FGF18: variants seen among roughly 807,000 people sequenced by gnomAD.
FGF18 encodes fibroblast growth factor 18.
A neutral mutation model predicts 23.0 loss-of-function variants in FGF18; 5 were observed. The observed-to-expected ratio is 0.22, with a 90% CI of 0.11 to 0.46. The LOEUF (loss-of-function observed/expected upper bound fraction) is 0.46. Ranked by LOEUF, FGF18 falls within the 20% of genes least tolerant of loss-of-function variation. FGF18 has a pLI of 0.99. For missense variants in FGF18, 180 were observed against 291.6 expected (o/e 0.62, Z 2.79); for synonymous variants, 117 against 118.9 (o/e 0.98, Z 0.10).
intron 3 of FGF18, among the ~76,000 whole-genome samples, chr5:171,443,064 T>C (rs547391541): frequency 6.6e-6 from 1 of 152,276 alleles, no homozygotes; most frequent in Admixed American, 6.5e-5. Context: ...TCTTCATCTG[T>C]AAAATGGCAT....
intron 2 of FGF18, among the ~76,000 whole-genome samples, chr5:171,430,146 C>A (rs888640711): frequency 6.6e-6 from 1 of 151,940 alleles, no homozygotes; most frequent in African/African-American, 2.4e-5. Context: ...ATCATGAGGT[C>A]AGGAGTTCAA....
chr5:171,447,363 C>T (rs1021439393), intron 3 of FGF18, among the ~76,000 whole-genome samples: 2 of 152,184 alleles, frequency 1.3e-5, no homozygotes, highest in African/African-American at 4.8e-5. Flanking sequence ...ATGTTTGGCC[C>T]TGGGGAGGGA....
In FGF18 at chr5:171,440,231, G is replaced by C. The variant is rs1273409079; in HGVS notation, c.250+3958G>C. Among the ~76,000 whole-genome samples, 2 of 152,066 alleles carry C rather than the reference G, an allele frequency of 1.3e-5. No homozygotes were observed. The highest frequency in any genetic ancestry group is 2.9e-5 in the Non-Finnish European group (2 of 68,000). On this transcript the variant is annotated intron_variant, in intron 3 of 4. Transcript: ENST00000274625. The surrounding 1 kb of genome is among the most constrained non-coding windows in gnomAD (Gnocchi z 4.0). ...CCTCCTTACTATGGGTGTGTGGGGG[G>C]GGGTGGTGCCATCGCGGGCTCAGGT...
chr5:171,440,268 A>G lies in FGF18; in HGVS notation c.250+3995A>G, dbSNP rs1377390620. 6.6e-6 allele frequency among the ~76,000 whole-genome samples: 1 copy of G among 151,954 alleles called. No individual in the cohort carries two copies. Among genetic ancestry groups the G allele is most frequent in the African/African-American group, 2.4e-5 (1 of 41,356 alleles). ...TCGCGGGCTCAGGTGAGGAACTGCCATCAGGTACTGGCTCCAGAGGCTTCC... is the reference window on the plus strand; with the variant it reads ...TCGCGGGCTCAGGTGAGGAACTGCCGTCAGGTACTGGCTCCAGAGGCTTCC... On this transcript the variant is annotated intron_variant, in intron 3 of 4. Coordinates refer to ENST00000274625, the MANE Select transcript of FGF18 (RefSeq NM_003862.3). The surrounding 1 kb of genome is among the most constrained non-coding windows in gnomAD (Gnocchi z 4.0).
intron 2 of FGF18, among the ~76,000 whole-genome samples, chr5:171,426,452 G>A (rs1324982400): frequency 6.6e-6 from 1 of 152,240 alleles, no homozygotes; most frequent in Non-Finnish European, 1.5e-5. Context: ...CTTAGAAGGG[G>A]CTTGGGCCTG....
rs571493473 is a variant in FGF18, at chr5:171,440,228, G to T, written c.250+3955G>T. ...TGACCTCCTTACTATGGGTGTGTGG[G>T]GGGGGGTGGTGCCATCGCGGGCTCA... On this transcript the variant is annotated intron_variant, in intron 3 of 4. Transcript: ENST00000274625. The surrounding 1 kb of genome is among the most constrained non-coding windows in gnomAD (Gnocchi z 4.0). Among the ~76,000 whole-genome samples the T allele has an allele frequency of 6.4e-4, 98 of 152,106 alleles. No homozygotes were observed. Among genetic ancestry groups the T allele is most frequent in the Non-Finnish European group, 1.2e-3 (79 of 67,956 alleles).
chr5:171,445,832 T>C lies in FGF18; in HGVS notation c.251-3315T>C, dbSNP rs867444419. Among the ~76,000 whole-genome samples, 4 of 152,152 alleles carry C rather than the reference T, an allele frequency of 2.6e-5. No individual in the cohort carries two copies. In the South Asian group the frequency reaches 6.2e-4, roughly 24 times the overall value. Reference sequence around the variant, plus strand: ...AGCAGGGTGAGATAATGTCATCAACTCCTCCGCCTGGCCTGGTGCAGGCCC... The same window carrying C: ...AGCAGGGTGAGATAATGTCATCAACCCCTCCGCCTGGCCTGGTGCAGGCCC... On this transcript the variant is annotated intron_variant, in intron 3 of 4. Coordinates refer to ENST00000274625, the MANE Select transcript of FGF18 (RefSeq NM_003862.3).
chr5:171,453,982 A>G (rs973763085), intron 4 of FGF18, among the ~76,000 whole-genome samples: 14 of 152,142 alleles, frequency 9.2e-5, no homozygotes, highest in Admixed American at 7.2e-4. Flanking sequence ...GTCTTGAGCT[A>G]AGACCTGTGC....
chr5:171,451,384 G>A lies in FGF18; in HGVS notation c.357+2131G>A, dbSNP rs1020413052. ...CCGCCCAGCGCCCCCTCGCTCTCTG[G>A]CCCCCGAGGCGGGAATCTGGCTCCT... On this transcript the variant is annotated intron_variant, in intron 4 of 4. Transcript: ENST00000274625. The surrounding 1 kb of genome is among the most constrained non-coding windows in gnomAD (Gnocchi z 4.5). Among the ~76,000 whole-genome samples the A allele has an allele frequency of 6.6e-6, 1 of 152,148 alleles. No individual in the cohort carries two copies. The highest frequency in any genetic ancestry group is 2.4e-5 in the African/African-American group (1 of 41,436).
intron 3 of FGF18, among the ~76,000 whole-genome samples, chr5:171,444,570 GA>G (rs1419256297): frequency 7.8e-6 from 1 of 127,942 alleles, no homozygotes; most frequent in East Asian, 2.7e-4. Context: ...GCCCAGAAGG[GA>G]AAAGGTCTTT....
chr5:171,431,509 G>A (rs915654313), intron 2 of FGF18, among the ~76,000 whole-genome samples: 3 of 152,116 alleles, frequency 2.0e-5, no homozygotes, highest in African/African-American at 4.8e-5. Context: ...TTGGGGCCTC[G>A]TTGCCTCTGT....
At position 171,423,324 on chromosome 5, in the gene FGF18, G is replaced by A. The variant is rs556132137; in HGVS notation, c.69+2881G>A. Among the ~76,000 whole-genome samples, 28 of 152,348 alleles carry A rather than the reference G, an allele frequency of 1.8e-4. No homozygotes were observed. The South Asian group carries it at 5.0e-3, about 27-fold the overall frequency. Reference sequence around the variant, plus strand: ...AATTGGAAGAATTTTAAAAATTTCCGTGGGGAGCAAACGGCGTGACCAGTA... The same window carrying A: ...AATTGGAAGAATTTTAAAAATTTCCATGGGGAGCAAACGGCGTGACCAGTA... On this transcript the variant is annotated intron_variant, in intron 2 of 4. Transcript: ENST00000274625.
intron 3 of FGF18, among the ~76,000 whole-genome samples, chr5:171,444,105 G>T (rs1380894231): frequency 6.6e-6 from 1 of 152,208 alleles, no homozygotes; most frequent in Non-Finnish European, 1.5e-5. Flanking sequence ...TGACCCTGGG[G>T]ACTCCCTCCT....
chr5:171,456,968 T>C lies in FGF18; in HGVS notation c.*163T>C, dbSNP rs1180218959. 2 of 891,610 alleles carry C rather than the reference T, an allele frequency of 2.2e-6. No individual in the cohort carries two copies. The highest frequency in any genetic ancestry group is 3.3e-6 in the Non-Finnish European group (2 of 608,982). 55.2% of individuals were successfully genotyped at this position (891,610 alleles called of 1,614,324 possible). On this transcript the variant is annotated 3_prime_UTR_variant, in exon 5 of 5. Transcript: ENST00000274625. This position sits in a 1 kb window ranked among gnomAD's most constrained non-coding sequence, Gnocchi z 6.1. ...GAACCAAAACTCTTGGGGGGAGGGG[T>C]GATAAGGATTTTATTGTTGACTTGA...
At chr5:171,449,063 C>A (rs2113360395) in intron 3 of FGF18, 84 bp from the exon 4 acceptor site, 2 of 1,008,664 alleles carry the variant, frequency 2.0e-6, no homozygotes, top group Non-Finnish European at 3.1e-6. Flanking sequence ...AAAGATAGGA[C>A]CAGGGACCAT....
chr5:171,445,267 G>A (rs1466407030), intron 3 of FGF18, among the ~76,000 whole-genome samples: 8 of 152,160 alleles, frequency 5.3e-5, no homozygotes, highest in Admixed American at 1.3e-4. Flanking sequence ...TGCCCTTTGC[G>A]GGTCCCATTG....
intron 2 of FGF18, among the ~76,000 whole-genome samples, chr5:171,428,580 G>T (rs542668116): frequency 6.6e-6 from 1 of 152,226 alleles, no homozygotes; most frequent in African/African-American, 2.4e-5. Context: ...GCAGGCATAT[G>T]GAACGGTGCT....
chr5:171,449,142 C>G lies in FGF18; in HGVS notation c.251-5C>G. On this transcript the variant is annotated splice_polypyrimidine_tract_variant and splice_region_variant and intron_variant, in intron 3 of 4. Coordinates refer to ENST00000274625, the MANE Select transcript of FGF18 (RefSeq NM_003862.3). Reference sequence around the variant, plus strand: ...TGTGTCTTGTTCTCCTTCTGCCTTTCGAAGCCCAGCTCCTAGTGGAGACAG... The same window carrying G: ...TGTGTCTTGTTCTCCTTCTGCCTTTGGAAGCCCAGCTCCTAGTGGAGACAG... The G allele has an allele frequency of 6.2e-7, 1 of 1,609,318 alleles. No homozygotes were observed. Among genetic ancestry groups the G allele is most frequent in the Non-Finnish European group, 8.5e-7 (1 of 1,175,658 alleles).
At chr5:171,426,099 C>T (rs886801785) in intron 2 of FGF18, among the ~76,000 whole-genome samples, 5 of 152,138 alleles carry the variant, frequency 3.3e-5, no homozygotes, top group Admixed American at 6.5e-5. Context: ...GTCTCAGCTT[C>T]TGCATGTGTA....
Sources: gnomAD v4.1 joint callset for allele counts (sites outside exome capture counted in the v4.1 genomes callset) on GRCh38, gnomAD v4.1.1 for gene constraint, Gnocchi (gnomAD v3.1) non-coding constraint, MANE v1.5 for transcripts, NCBI Gene and HGNC (gene_info 2026-07-23, HGNC 2026-07-21) for gene names.